The following FEZ1 variants were observed in gnomAD, a reference collection of about 807,000 sequenced individuals.
FEZ1 encodes the protein fasciculation and elongation protein zeta-1.
FEZ1 carries 20 observed loss-of-function variants against 49.3 expected under a neutral mutation model. That is an observed-to-expected ratio of 0.41 (90% CI 0.29 to 0.59). FEZ1 has a LOEUF of 0.59. Among genes scored for constraint, FEZ1 ranks in the 20% least tolerant of loss-of-function variants. The probability of loss-of-function intolerance (pLI) is 0.36; values close to 1 mark genes in which losing one functional copy is unlikely to be tolerated. For missense variants in FEZ1, 413 were observed against 476.0 expected (o/e 0.87, Z 1.23); for synonymous variants, 170 against 180.9 (o/e 0.94, Z 0.48).
chr11:125,466,656 A>G (rs1483086108), intron 3 of FEZ1, among the ~76,000 whole-genome samples: 1 of 152,180 alleles, frequency 6.6e-6, no homozygotes, highest in African/African-American at 2.4e-5. Flanking sequence ...TGCTTTTGGG[A>G]AGAGTGTGTC....
chr11:125,456,641 C>T (rs746109810), intron 5 of FEZ1, among the ~76,000 whole-genome samples: 2 of 152,078 alleles, frequency 1.3e-5, no homozygotes, highest in Non-Finnish European at 2.9e-5. Context: ...ATATGTGAAA[C>T]CTGGAAGATT....
intron 3 of FEZ1, among the ~76,000 whole-genome samples, chr11:125,470,825 G>C (rs1957176846): frequency 6.6e-6 from 1 of 152,104 alleles, no homozygotes; most frequent in South Asian, 2.1e-4. Flanking sequence ...TATTTTAAAA[G>C]TATCTTTTTT....
chr11:125,483,659 C>A (rs759422903), intron 2 of FEZ1, among the ~76,000 whole-genome samples: 1 of 152,240 alleles, frequency 6.6e-6, no homozygotes, highest in African/African-American at 2.4e-5. Context: ...GCATTACATT[C>A]TCTGCTGCAA....
intron 6 of FEZ1, 193 bp from the exon 7 acceptor site, chr11:125,454,403 A>G (rs563671903): frequency 1.6e-5 from 7 of 447,628 alleles, no homozygotes; most frequent in Non-Finnish European, 2.7e-5. Flanking sequence ...ACAGAGTCTC[A>G]AGAACTCTTA....
chr11:125,495,074 G>A lies in FEZ1; in HGVS notation c.-46+1047C>T, dbSNP rs1292806327. ...GTTTGTGCACATTTTGACAGAAAAA[G>A]TATTTCGTTGCATATGGATCAGCAA... is the stretch of plus-strand genomic sequence containing the variant. On this transcript the variant is annotated intron_variant, in intron 1 of 9. Transcript: ENST00000278919. This position sits in a 1 kb window ranked among gnomAD's most constrained non-coding sequence, Gnocchi z 4.2. The A allele has an allele frequency of 3.0e-6, 1 of 334,712 alleles. No individual in the cohort carries two copies. Among genetic ancestry groups the A allele is most frequent in the South Asian group, 2.3e-5 (1 of 43,318 alleles). The allele number at this position is 334,712 out of a possible 1,614,324, so 20.7% of individuals were successfully genotyped here. A position where few individuals can be genotyped will look rare whatever the true frequency, so the allele number is the denominator to read the frequency against.
Position 125,458,409 on chromosome 11 carries a change from C to T in FEZ1, c.667+2089G>A, listed in dbSNP as rs146288367. 2.0e-4 allele frequency among the ~76,000 whole-genome samples: 31 copies of T among 152,274 alleles called. No individual in the cohort carries two copies. In the East Asian group the frequency reaches 5.8e-3, roughly 28 times the overall value. On this transcript the variant is annotated intron_variant, in intron 5 of 9. Coordinates refer to ENST00000278919, the MANE Select transcript of FEZ1 (RefSeq NM_005103.5). ...CATCCAGCCGTTTCTTGTGCACAGT[C>T]ATAATTACTATAAACCTGTGTCAGA...
In FEZ1 at chr11:125,495,960, C is replaced by A. The variant is rs997996778; in HGVS notation, c.-46+161G>T. On this transcript the variant is annotated intron_variant, in intron 1 of 9. Coordinates refer to ENST00000278919, the MANE Select transcript of FEZ1 (RefSeq NM_005103.5). The surrounding 1 kb of genome is among the most constrained non-coding windows in gnomAD (Gnocchi z 4.2). ...GGCTGGGCAGGAAGGCGACGGCCTC[C>A]CGTTGTTCCTTTCTAATCCCAGAAT... The A allele has an allele frequency of 4.3e-6, 1 of 235,242 alleles. No homozygotes were observed. The highest frequency in any genetic ancestry group is 8.4e-6 in the Non-Finnish European group (1 of 119,720). 14.6% of individuals were successfully genotyped at this position (235,242 alleles called of 1,614,324 possible).
At chr11:125,469,722 C>T (rs1957166994) in intron 3 of FEZ1, among the ~76,000 whole-genome samples, 1 of 148,096 alleles carries the variant, frequency 6.8e-6, no homozygotes, top group Non-Finnish European at 1.5e-5. Context: ...TGCCACCAGG[C>T]CCAGCTAATG....
At chr11:125,448,904 G>A (rs761716237) in intron 8 of FEZ1, among the ~76,000 whole-genome samples, 16 of 152,046 alleles carry the variant, frequency 1.1e-4, no homozygotes, top group Non-Finnish European at 2.2e-4. Context: ...TGGGTGTGGT[G>A]GCACACGCCT....
chr11:125,471,515 A>T (rs1195879041), intron 3 of FEZ1, among the ~76,000 whole-genome samples: 1 of 152,082 alleles, frequency 6.6e-6, no homozygotes, highest in Admixed American at 6.6e-5. Context: ...CATATCAAAC[A>T]AAGTAGATTT....
At position 125,455,751 on chromosome 11, in the gene FEZ1, G is replaced by A. The variant is rs768655927; in HGVS notation, c.939+84C>T. The A allele has an allele frequency of 5.7e-6, 8 of 1,393,618 alleles. No individual in the cohort carries two copies. In the South Asian group the frequency reaches 9.3e-5, roughly 16 times the overall value. The allele number at this position is 1,393,618 out of a possible 1,614,324, so 86.3% of individuals were successfully genotyped here. A position where few individuals can be genotyped will look rare whatever the true frequency, so the allele number is the denominator to read the frequency against. Reference sequence around the variant, plus strand: ...ACCACTGCTCGGTAAACGTTGATGAGTCCCCTGCAGGGTTGGTAGGGCACT... The same window carrying A: ...ACCACTGCTCGGTAAACGTTGATGAATCCCCTGCAGGGTTGGTAGGGCACT... On this transcript the variant is annotated intron_variant, in intron 6 of 9. Transcript: ENST00000278919.
intron 5 of FEZ1, among the ~76,000 whole-genome samples, chr11:125,457,423 AAAAAAAATAT>A (rs1201887923): frequency 0.01 from 388 of 37,178 alleles, no homozygotes; most frequent in African/African-American, 0.02. Flanking sequence ...AAAAAAAAAA[AAAAAAAATAT>A]ATATATATAT....
In FEZ1 at chr11:125,493,433, GGAA is replaced by G. The variant is rs1565307028; in HGVS notation, c.-46+2685_-46+2687del. 1.5e-3 allele frequency among the ~76,000 whole-genome samples: 50 copies of G among 32,342 alleles called. 3 individuals are homozygous for G. The highest frequency in any genetic ancestry group is 0.01 in the African/African-American group (47 of 4,528). The allele number at this position is 32,342 out of a possible 152,430, so 21.2% of individuals were successfully genotyped here. A position where few individuals can be genotyped will look rare whatever the true frequency, so the allele number is the denominator to read the frequency against. ...AAGAAAGAAAGAAAGAAGGAAAGAA[GGAA>G]AGAAGGAAAGAAGGAAAGAAGGAAA... is the stretch of plus-strand genomic sequence containing the variant. On this transcript the variant is annotated intron_variant, in intron 1 of 9. Transcript: ENST00000278919.
At chr11:125,454,895 T>C (rs1381915528) in intron 6 of FEZ1, among the ~76,000 whole-genome samples, 1 of 150,328 alleles carries the variant, frequency 6.7e-6, no homozygotes, top group Admixed American at 6.7e-5. Context: ...GAACCTGTAA[T>C]CCCGGCGACT....
At chr11:125,476,253 C>A (rs1359488011) in intron 3 of FEZ1, among the ~76,000 whole-genome samples, 1 of 152,138 alleles carries the variant, frequency 6.6e-6, no homozygotes, top group East Asian at 1.9e-4. Context: ...TTAATATGTG[C>A]AGCTCATTAT....
chr11:125,457,326 G>A (rs1057049597), intron 5 of FEZ1, among the ~76,000 whole-genome samples: 1 of 142,366 alleles, frequency 7.0e-6, no homozygotes, highest in African/African-American at 2.6e-5. Flanking sequence ...AGCACTTTGA[G>A]AGGCTGAGGT....
intron 3 of FEZ1, among the ~76,000 whole-genome samples, chr11:125,464,678 AT>A (rs1370135184): frequency 1.3e-5 from 2 of 152,190 alleles, no homozygotes; most frequent in African/African-American, 4.8e-5. Flanking sequence ...AACAGAGCAC[AT>A]CACCTTTTAT....
chr11:125,476,368 T>C (rs1957234040), intron 3 of FEZ1, among the ~76,000 whole-genome samples: 1 of 152,196 alleles, frequency 6.6e-6, no homozygotes, highest in Non-Finnish European at 1.5e-5. Flanking sequence ...CATGGTTGAG[T>C]TGACATTTGC....
rs1591580091 is a variant in FEZ1, at chr11:125,452,238, T to C, written c.1096+96A>G. On this transcript the variant is annotated intron_variant, in intron 8 of 9. Transcript: ENST00000278919. ...GTATTTTGGCCCATGTAAACCTGCT[T>C]TGAGGAGTCTCGGGCCTGCGGCACG... 9 of 828,418 alleles carry C rather than the reference T, an allele frequency of 1.1e-5. No individual in the cohort carries two copies. The East Asian group carries it at 2.2e-4, about 20-fold the overall frequency. 51.3% of individuals were successfully genotyped at this position (828,418 alleles called of 1,614,324 possible).
Sources: gnomAD v4.1 joint callset for allele counts (sites outside exome capture counted in the v4.1 genomes callset) on GRCh38, gnomAD v4.1.1 for gene constraint, Gnocchi (gnomAD v3.1) non-coding constraint, MANE v1.5 for transcripts, NCBI Gene and HGNC (gene_info 2026-07-23, HGNC 2026-07-21) for gene names.